Variants in NLRP1 observed in about 807,000 individuals in gnomAD.
NLRP1 encodes the protein NACHT, LRR and PYD domains-containing protein 1.
Under a neutral mutation model 136.7 loss-of-function variants are expected in NLRP1, and 94 were observed. The observed-to-expected ratio is 0.69, with a 90% CI of 0.58 to 0.82. NLRP1 has a LOEUF of 0.82. NLRP1 is among the 40% of genes least tolerant of loss of function. The pLI is 0.00. For missense variants in NLRP1, 1,575 were observed against 1,802.7 expected (o/e 0.87, Z 2.29); for synonymous variants, 690 against 725.1 (o/e 0.95, Z 0.78).
intron 5 of NLRP1, among the ~76,000 whole-genome samples, chr17:5,550,266 A>G (rs1361259275): frequency 2.6e-5 from 4 of 152,224 alleles, no homozygotes; most frequent in East Asian, 3.8e-4. Flanking sequence ...GTTTGAAAAT[A>G]TAAGTGTTAA....
chr17:5,521,528 C>T lies in NLRP1; in HGVS notation c.3779G>A (p.Arg1260Gln), dbSNP rs776215822. The change falls in exon 13 of 17, where the codon CGG (arginine) becomes CAG (glutamine). Residue 1260 changes from arginine to glutamine, a missense_variant. Arg to Gln is a conservative substitution (Grantham distance 43). Transcript: ENST00000572272. ...CTTTCTGGCTCTTAGTGTCACCTTCCGAATGGAGCAGTCACTTGGGATCAG... is the reference window on the plus strand; with the variant it reads ...CTTTCTGGCTCTTAGTGTCACCTTCTGAATGGAGCAGTCACTTGGGATCAG... ...LYLIPSDCSI[R>Q]KAIDDLEMKF... 30 of 1,612,408 alleles carry T rather than the reference C, an allele frequency of 1.9e-5. 1 individual carries two copies. Among genetic ancestry groups the T allele is most frequent in the Non-Finnish European group, 2.0e-5 (23 of 1,179,106 alleles).
chr17:5,569,093 C>A (rs1002741495), intron 3 of NLRP1, among the ~76,000 whole-genome samples: 1 of 152,106 alleles, frequency 6.6e-6, no homozygotes, highest in Non-Finnish European at 1.5e-5. Context: ...TTTATTACCA[C>A]CAGACCTGCC....
chr17:5,532,110 G>A (rs1910367883), intron 11 of NLRP1, among the ~76,000 whole-genome samples: 1 of 152,158 alleles, frequency 6.6e-6, no homozygotes, highest in Admixed American at 6.5e-5. Flanking sequence ...TTTCACACGT[G>A]GTGGCATGTG....
chr17:5,513,598 G>A (rs539134196), downstream of NLRP1, among the ~76,000 whole-genome samples: 1 of 152,168 alleles, frequency 6.6e-6, no homozygotes, highest in Admixed American at 6.5e-5. Flanking sequence ...TAAGTCATTC[G>A]ATCAGGTACG....
In NLRP1 at chr17:5,533,896, C is replaced by T. The variant is rs199996722; in HGVS notation, c.3052+1G>A. On this transcript the variant is annotated splice_donor_variant, in intron 9 of 16. Coordinates refer to ENST00000572272, the MANE Select transcript of NLRP1 (RefSeq NM_033004.4). LOFTEE classifies it high-confidence loss of function. ...CTCCCAGCCTTGCCCCTTCAAACTA[C>T]CTGATCCGAGTCTCTGCCGCTTGAG... 15 of 1,605,288 alleles carry T rather than the reference C, an allele frequency of 9.3e-6. No individual in the cohort carries two copies. Among genetic ancestry groups the T allele is most frequent in the Non-Finnish European group, 1.3e-5 (15 of 1,173,806 alleles).
chr17:5,559,729 C>T lies in NLRP1; in HGVS notation c.967G>A (p.Asp323Asn). 6.2e-7 allele frequency: 1 copy of T among 1,614,256 alleles called. No homozygotes were observed. The highest frequency in any genetic ancestry group is 8.5e-7 in the Non-Finnish European group (1 of 1,180,048). Residue 323 changes from aspartate (D) to asparagine (N), a missense_variant, in exon 4 of 17, where the codon GAT becomes AAT. Asp to Asn is a conservative substitution (Grantham distance 23). Transcript: ENST00000572272. ...EIRDLFGPGL[D>N]TQEPRIVILQ... ...ATGACTATGCGAGGTTCTTGGGTAT[C>T]CAGGCCTGGGCCAAATAAGTCTCTG...
intron 5 of NLRP1, among the ~76,000 whole-genome samples, chr17:5,545,025 C>T (rs550337039): frequency 6.6e-6 from 1 of 152,288 alleles, no homozygotes; most frequent in Admixed American, 6.5e-5. Flanking sequence ...AAATACCACT[C>T]TCCATCCTCT....
chr17:5,579,124 G>T (rs578159579), intron 3 of NLRP1, among the ~76,000 whole-genome samples: 2,185 of 152,128 alleles, frequency 0.014, 45 homozygotes, highest in African/African-American at 0.051. Flanking sequence ...GGTTGGAGGA[G>T]GGGGGAGGGA....
chr17:5,577,840 T>C (rs572932298), intron 3 of NLRP1, among the ~76,000 whole-genome samples: 2,702 of 151,660 alleles, frequency 0.018, 67 homozygotes, highest in African/African-American at 0.062. Context: ...GGAGGCATCA[T>C]GCTATCTGAC....
intron 15 of NLRP1, among the ~76,000 whole-genome samples, chr17:5,515,814 C>T (rs1453384918): frequency 2.6e-5 from 4 of 152,150 alleles, no homozygotes; most frequent in Non-Finnish European, 5.9e-5. Context: ...GGTTTTAATC[C>T]CGTGTTGGCC....
At chr17:5,561,031 T>A (rs912173589) in intron 3 of NLRP1, among the ~76,000 whole-genome samples, 47 of 152,350 alleles carry the variant, frequency 3.1e-4, no homozygotes, top group African/African-American at 1.0e-3. Context: ...TGCCTCTCCC[T>A]TCTCTCCTTA....
chr17:5,571,816 T>C (rs1458761892), intron 3 of NLRP1, among the ~76,000 whole-genome samples: 1 of 151,878 alleles, frequency 6.6e-6, no homozygotes, highest in Non-Finnish European at 1.5e-5. Context: ...AAATAACAAA[T>C]CTGGAGGCAT....
At chr17:5,542,752 CCTTT>C (rs917135534) in intron 5 of NLRP1, among the ~76,000 whole-genome samples, 2 of 116,116 alleles carry the variant, frequency 1.7e-5, no homozygotes, top group East Asian at 3.0e-4. Flanking sequence ...TTCCTTCCTT[CCTTT>C]CCTCTTTCTC....
At chr17:5,510,545 GAC>G (rs202112639), downstream of NLRP1, among the ~76,000 whole-genome samples, 662 of 152,110 alleles carry the variant, frequency 4.4e-3, 2 homozygotes, top group African/African-American at 0.015. Context: ...TTTTTGTAGA[GAC>G]AGAGTTTCAC....
chr17:5,522,832 G>A (rs1321637884), intron 12 of NLRP1, among the ~76,000 whole-genome samples: 1 of 152,162 alleles, frequency 6.6e-6, no homozygotes, highest in African/African-American at 2.4e-5. Flanking sequence ...GGTTTGACTA[G>A]GCAGGTAGAG....
intron 12 of NLRP1, chr17:5,530,172 A>G (rs754525062): frequency 2.1e-6 from 1 of 486,522 alleles, no homozygotes. Context: ...AGCTTCTTCA[A>G]AAATCTCAAC....
rs554369439 is a variant in NLRP1 at position 5,558,437 on chromosome 17, C to G, written c.2259G>C (p.Val753=). 6.2e-7 allele frequency: 1 copy of G among 1,613,912 alleles called. No individual in the cohort carries two copies. The highest frequency in any genetic ancestry group is 1.3e-5 in the African/African-American group (1 of 74,940). Residue 753 remains valine (V), a synonymous_variant, in exon 4 of 17, where the codon GTG becomes GTC. Transcript: ENST00000572272. ...MCVETDMELL[V]CTFCIKFSRH... ...GGCTGAATTTAATGCAGAAAGTGCA[C>G]ACTAAGAGCTCCATGTCTGTTTCTA...
intron 5 of NLRP1, among the ~76,000 whole-genome samples, chr17:5,551,682 C>T (rs1460130738): frequency 2.0e-5 from 3 of 152,188 alleles, no homozygotes; most frequent in Non-Finnish European, 4.4e-5. Flanking sequence ...ACATCCTCGT[C>T]AGCATTTGGT....
At chr17:5,545,888 C>T (rs1435445868) in intron 5 of NLRP1, among the ~76,000 whole-genome samples, 2 of 152,174 alleles carry the variant, frequency 1.3e-5, no homozygotes, top group Middle Eastern at 3.2e-3. Flanking sequence ...ATGTTCCTGC[C>T]CCCAGGACTC....
Sources: gnomAD v4.1 joint callset for allele counts (sites outside exome capture counted in the v4.1 genomes callset) on GRCh38, gnomAD v4.1.1 for gene constraint, MANE v1.5 for transcripts, NCBI Gene and HGNC (gene_info 2026-07-23, HGNC 2026-07-21) for gene names.